The following MAP2K5 variants were observed in gnomAD, a reference collection of about 807,000 sequenced individuals.
MAP2K5 encodes dual specificity mitogen-activated protein kinase kinase 5.
MAP2K5 carries 49 observed loss-of-function variants against 83.1 expected under a neutral mutation model. The ratio of observed to expected loss-of-function variants is 0.59; its 90% CI spans 0.47 to 0.75. MAP2K5 has a LOEUF of 0.75. MAP2K5 is among the 30% of genes least tolerant of loss of function. MAP2K5 has a pLI of 0.00. For missense variants in MAP2K5, 457 were observed against 557.5 expected (o/e 0.82, Z 1.82); for synonymous variants, 202 against 191.8 (o/e 1.05, Z -0.44).
chr15:67,684,643 C>CCA (rs1425448961), intron 13 of MAP2K5, among the ~76,000 whole-genome samples: 1 of 152,052 alleles, frequency 6.6e-6, no homozygotes, highest in Non-Finnish European at 1.5e-5. Flanking sequence ...TGCCCCCCTC[C>CCA]CACACACACA....
At chr15:67,745,018 C>T (rs1477507847) in intron 17 of MAP2K5, among the ~76,000 whole-genome samples, 1 of 151,562 alleles carries the variant, frequency 6.6e-6, no homozygotes, top group African/African-American at 2.4e-5. Flanking sequence ...TTGAATCTAA[C>T]AGCTAATGAA....
At chr15:67,550,994 A>G (rs2140945757) in intron 2 of MAP2K5, among the ~76,000 whole-genome samples, 1 of 151,458 alleles carries the variant, frequency 6.6e-6, no homozygotes, top group East Asian at 2.0e-4. Context: ...CTGGTCTTGA[A>G]CTCCTGACCT....
At chr15:67,634,760 T>A (rs546635608) in intron 9 of MAP2K5, among the ~76,000 whole-genome samples, 26 of 152,306 alleles carry the variant, frequency 1.7e-4, no homozygotes, top group African/African-American at 5.8e-4. Flanking sequence ...AGTGTTAGCA[T>A]GATATTTTTT....
At chr15:67,628,525 C>T in intron 8 of MAP2K5, 2 of 786,930 alleles carry the variant, frequency 2.5e-6, no homozygotes, top group East Asian at 2.5e-5. Context: ...TGAGGAATAT[C>T]ACCTAAGAGA....
At chr15:67,585,621 T>C in intron 4 of MAP2K5, 1 of 414,706 alleles carries the variant, frequency 2.4e-6, no homozygotes, top group South Asian at 3.2e-5. Flanking sequence ...CTAATCATTT[T>C]AGCTCAGTTA....
At chr15:67,591,128 C>T (rs532808662) in intron 6 of MAP2K5, among the ~76,000 whole-genome samples, 2 of 151,996 alleles carry the variant, frequency 1.3e-5, no homozygotes, top group South Asian at 4.1e-4. Flanking sequence ...GGGCAGATCA[C>T]GAGGTCAGGA....
chr15:67,652,767 C>G lies in MAP2K5; in HGVS notation c.737-5786C>G, dbSNP rs1326877736. Among the ~76,000 whole-genome samples the G allele has an allele frequency of 1.3e-5, 2 of 152,158 alleles. No individual in the cohort carries two copies. The highest frequency in any genetic ancestry group is 2.4e-5 in the African/African-American group (1 of 41,442). Reference sequence around the variant, plus strand: ...CTTTTTGTCTTGCAAAACTGAAACTCTATACCTATTAAATAAGAACTCCTC... The same window carrying G: ...CTTTTTGTCTTGCAAAACTGAAACTGTATACCTATTAAATAAGAACTCCTC... On this transcript the variant is annotated intron_variant, in intron 11 of 21. Coordinates refer to ENST00000178640, the MANE Select transcript of MAP2K5 (RefSeq NM_145160.3). The surrounding 1 kb of genome is among the most constrained non-coding windows in gnomAD (Gnocchi z 4.2).
rs2085000920 is a variant in MAP2K5 at position 67,573,988 on chromosome 15, G to A, written c.253-6766G>A. Among the ~76,000 whole-genome samples the A allele has an allele frequency of 6.6e-6, 1 of 152,080 alleles. No homozygotes were observed. Among genetic ancestry groups the A allele is most frequent in the Non-Finnish European group, 1.5e-5 (1 of 68,000 alleles). ...TTTTGGGAACACCCAGCTCTGACTG[G>A]GTTTATTGGTGGAGCCATTCTTTTA... On this transcript the variant is annotated intron_variant, in intron 3 of 21. Transcript: ENST00000178640. This position sits in a 1 kb window ranked among gnomAD's most constrained non-coding sequence, Gnocchi z 4.2.
intron 3 of MAP2K5, among the ~76,000 whole-genome samples, chr15:67,570,547 A>G (rs1051145872): frequency 2.0e-5 from 3 of 152,234 alleles, no homozygotes; most frequent in African/African-American, 7.2e-5. Context: ...GATTGGCTTC[A>G]TATGTTATTT....
intron 16 of MAP2K5, among the ~76,000 whole-genome samples, chr15:67,725,831 C>T (rs2089079692): frequency 1.3e-5 from 2 of 150,742 alleles, no homozygotes; most frequent in African/African-American, 5.0e-5. Flanking sequence ...AGTGTGCACA[C>T]TCTGATTGGC....
At chr15:67,628,630 GAC>G (rs2086383380) in intron 8 of MAP2K5, 1 of 1,156,326 alleles carries the variant, frequency 8.6e-7, no homozygotes, top group African/African-American at 1.5e-5. Context: ...AACCTTTGAC[GAC>G]CATGACTCTG....
chr15:67,686,471 G>A lies in MAP2K5; in HGVS notation c.848-6008G>A, dbSNP rs185376491. Among the ~76,000 whole-genome samples, 818 of 151,942 alleles carry A rather than the reference G, an allele frequency of 5.4e-3. 12 individuals are homozygous for A. The highest frequency in any genetic ancestry group is 0.019 in the African/African-American group (770 of 41,414). On this transcript the variant is annotated intron_variant, in intron 13 of 21. Transcript: ENST00000178640. The stretch of plus-strand genomic sequence containing the variant: ...AAAATACAAAAACTAGCTGGGGGTG[G>A]TGGCAGGCGCCTGTAATCCTGGCTA...
intron 15 of MAP2K5, among the ~76,000 whole-genome samples, chr15:67,699,485 T>C (rs183412105): frequency 6.6e-6 from 1 of 152,148 alleles, no homozygotes; most frequent in East Asian, 1.9e-4. Flanking sequence ...GCAGAAGAAA[T>C]AGGAAAAGTG....
intron 12 of MAP2K5, among the ~76,000 whole-genome samples, chr15:67,659,890 C>T (rs1341143612): frequency 6.6e-6 from 1 of 152,092 alleles, no homozygotes; most frequent in Non-Finnish European, 1.5e-5. Context: ...CACACAAGGC[C>T]ACCTATCTTT....
Position 67,563,880 on chromosome 15 carries a change from C to A in MAP2K5, c.252+530C>A, listed in dbSNP as rs146085596. Among the ~76,000 whole-genome samples, 2 of 152,044 alleles carry A rather than the reference C, an allele frequency of 1.3e-5. No individual in the cohort carries two copies. Among genetic ancestry groups the A allele is most frequent in the Non-Finnish European group, 2.9e-5 (2 of 67,996 alleles). On this transcript the variant is annotated intron_variant, in intron 3 of 21. Transcript: ENST00000178640. The surrounding 1 kb of genome is among the most constrained non-coding windows in gnomAD (Gnocchi z 4.5). ...AAAGTGATCTGAATATATTCTGAAA[C>A]GACTTTTCTTTTGTGTTTAAAATTT...
At chr15:67,575,924 T>TTCTTTCTTTCTTTCTTTC (rs1567283643) in intron 3 of MAP2K5, among the ~76,000 whole-genome samples, 1 of 11,642 alleles carries the variant, frequency 8.6e-5, no homozygotes. Context: ...TTCTTTTTTT[T>TTCTTTCTTTCTTTCTTTC]TTTTTTTTTT....
At chr15:67,661,967 ACTT>A (rs1181912942) in intron 12 of MAP2K5, among the ~76,000 whole-genome samples, 1 of 152,102 alleles carries the variant, frequency 6.6e-6, no homozygotes, top group Non-Finnish European at 1.5e-5. Context: ...TCTGTGATAA[ACTT>A]ATCATTATTA....
chr15:67,566,419 G>T (rs1188606269), intron 3 of MAP2K5, among the ~76,000 whole-genome samples: 1 of 151,854 alleles, frequency 6.6e-6, no homozygotes, highest in African/African-American at 2.4e-5. Context: ...CAAGTGATCC[G>T]CACACCTTGG....
chr15:67,553,256 A>G (rs1160767568), intron 2 of MAP2K5, among the ~76,000 whole-genome samples: 1 of 152,188 alleles, frequency 6.6e-6, no homozygotes, highest in Non-Finnish European at 1.5e-5. Context: ...TCAAACACAC[A>G]TCTTTTTGAC....
Sources: allele counts gnomAD v4.1 joint callset (sites outside exome capture counted in the v4.1 genomes callset), GRCh38; gene constraint gnomAD v4.1.1; non-coding constraint Gnocchi (gnomAD v3.1); transcripts MANE v1.5; gene names NCBI Gene and HGNC (gene_info 2026-07-23, HGNC 2026-07-21).